PDE4B: variants seen among roughly 807,000 people sequenced by gnomAD.
PDE4B encodes 3',5'-cyclic-AMP phosphodiesterase 4B.
In PDE4B, 20 loss-of-function variants were observed where a neutral mutation model predicts 82.2. That is an observed-to-expected ratio of 0.24 (90% CI 0.17 to 0.35). The LOEUF (loss-of-function observed/expected upper bound fraction) is 0.35, where lower values mean the gene tolerates loss of function less well. PDE4B is among the 10% of genes least tolerant of loss of function. PDE4B has a pLI of 1.00. For missense variants in PDE4B, 655 were observed against 907.2 expected (o/e 0.72, Z 3.57); for synonymous variants, 320 against 318.9 (o/e 1.00, Z -0.04).
At chr1:65,890,957 A>AT (rs1646846326) in intron 1 of PDE4B, among the ~76,000 whole-genome samples, 1 of 152,014 alleles carries the variant, frequency 6.6e-6, no homozygotes, top group Admixed American at 6.6e-5. Context: ...AACCTTTGTG[A>AT]TTCGCTCTGT....
At position 66,296,073 on chromosome 1, in the gene PDE4B, C is replaced by G. The variant is rs191991900; in HGVS notation, c.634+29986C>G. Reference sequence around the variant, plus strand: ...GGTTTAGACCCAATTCAGAGGTCAACGTCTCTTATTAGGGCTGTTTGTTTT... The same window carrying G: ...GGTTTAGACCCAATTCAGAGGTCAAGGTCTCTTATTAGGGCTGTTTGTTTT... On this transcript the variant is annotated intron_variant, in intron 7 of 16. Coordinates refer to ENST00000341517, the MANE Select transcript of PDE4B (RefSeq NM_002600.4). Among the ~76,000 whole-genome samples the G allele has an allele frequency of 2.0e-5, 3 of 152,232 alleles. No individual in the cohort carries two copies. In the East Asian group the frequency reaches 5.8e-4, roughly 29 times the overall value.
intron 1 of PDE4B, among the ~76,000 whole-genome samples, chr1:65,840,809 C>T (rs972822296): frequency 2.0e-5 from 3 of 152,078 alleles, no homozygotes; most frequent in Admixed American, 2.0e-4. Context: ...GAGCTGAACT[C>T]GTAAAAGGCA....
chr1:66,085,437 G>A (rs545705512), intron 3 of PDE4B, among the ~76,000 whole-genome samples: 1 of 152,214 alleles, frequency 6.6e-6, no homozygotes, highest in Admixed American at 6.5e-5. Flanking sequence ...GTTAAAAATG[G>A]AATTTTTATG....
At chr1:66,156,421 A>C (rs1646503070) in intron 3 of PDE4B, among the ~76,000 whole-genome samples, 1 of 152,210 alleles carries the variant, frequency 6.6e-6, no homozygotes, top group African/African-American at 2.4e-5. Context: ...GTGAATGCTC[A>C]TTTAGATCAA....
intron 3 of PDE4B, among the ~76,000 whole-genome samples, chr1:66,021,322 T>G (rs1653094248): frequency 6.6e-6 from 1 of 152,220 alleles, no homozygotes; most frequent in Admixed American, 6.5e-5. Flanking sequence ...TTAGTTTAAT[T>G]AGATCCCGTT....
intron 3 of PDE4B, among the ~76,000 whole-genome samples, chr1:65,967,935 T>C (rs1280386714): frequency 6.6e-6 from 1 of 152,034 alleles, no homozygotes; most frequent in Non-Finnish European, 1.5e-5. Flanking sequence ...GGTTGATGGG[T>C]GCAACAAACC....
chr1:65,886,740 A>G (rs1008633743), intron 1 of PDE4B, among the ~76,000 whole-genome samples: 7 of 152,144 alleles, frequency 4.6e-5, no homozygotes, highest in Admixed American at 2.0e-4. Context: ...GTAGTATTCT[A>G]TCATGTACGT....
chr1:66,321,667 A>G (rs1570689289), intron 7 of PDE4B, among the ~76,000 whole-genome samples: 1 of 152,190 alleles, frequency 6.6e-6, no homozygotes, highest in African/African-American at 2.4e-5. Context: ...TCAAAGAAAT[A>G]AAAGAGGACA....
intron 3 of PDE4B, among the ~76,000 whole-genome samples, chr1:65,924,169 G>T: frequency 8.1e-6 from 1 of 122,956 alleles, no homozygotes; most frequent in Middle Eastern, 4.2e-3. Flanking sequence ...CCGCCTCCCG[G>T]GTTCACGCCA....
intron 3 of PDE4B, among the ~76,000 whole-genome samples, chr1:66,184,099 G>A (rs1409099362): frequency 6.6e-6 from 1 of 152,120 alleles, no homozygotes; most frequent in East Asian, 1.9e-4. Flanking sequence ...GTGAAAGGTA[G>A]GTCAGGCTAT....
At chr1:65,920,433 C>T (rs17417507) in intron 3 of PDE4B, among the ~76,000 whole-genome samples, 7,358 of 152,178 alleles carry the variant, frequency 0.048, 263 homozygotes, top group Admixed American at 0.11. Flanking sequence ...ATGTACAGTG[C>T]CTTGTAAAGT....
intron 3 of PDE4B, among the ~76,000 whole-genome samples, chr1:65,936,335 G>A (rs958696610): frequency 3.3e-5 from 5 of 152,150 alleles, no homozygotes; most frequent in African/African-American, 9.6e-5. Context: ...AGCACAGTAG[G>A]TTTGTTTACA....
chr1:65,985,504 G>A (rs1392031536), intron 3 of PDE4B, among the ~76,000 whole-genome samples: 1 of 152,062 alleles, frequency 6.6e-6, no homozygotes, highest in African/African-American at 2.4e-5. Flanking sequence ...TAGAGAAAGA[G>A]GTTTTCCCAA....
intron 3 of PDE4B, among the ~76,000 whole-genome samples, chr1:66,205,026 A>T (rs889830769): frequency 3.3e-5 from 5 of 152,194 alleles, no homozygotes; most frequent in Admixed American, 1.3e-4. Flanking sequence ...TTGGTAGTTC[A>T]GCCTTTTCCA....
intron 3 of PDE4B, among the ~76,000 whole-genome samples, chr1:66,186,925 A>G (rs1311778864): frequency 6.6e-6 from 1 of 152,204 alleles, no homozygotes. Context: ...TTTCAAAGGG[A>G]ATCCTTCCAG....
At chr1:66,301,318 A>G (rs1657880495) in intron 7 of PDE4B, among the ~76,000 whole-genome samples, 1 of 152,142 alleles carries the variant, frequency 6.6e-6, no homozygotes, top group African/African-American at 2.4e-5. Flanking sequence ...TCAGCCCTGT[A>G]AGAGGTTTGG....
intron 3 of PDE4B, among the ~76,000 whole-genome samples, chr1:66,053,051 AT>A (rs1655123843): frequency 6.6e-6 from 1 of 152,176 alleles, no homozygotes; most frequent in African/African-American, 2.4e-5. Context: ...GAGACAGTGT[AT>A]TTACTGCTAA....
rs543958675 is a variant in PDE4B, at chr1:66,347,195, A to T, written c.748-8332A>T. ...AACCTTCCGTGAACCTAACAAACCT[A>T]TGCATCTTGAGGTGCATTGTTGTTC... On this transcript the variant is annotated intron_variant, in intron 8 of 16. Transcript: ENST00000341517. Among the ~76,000 whole-genome samples, 152 of 152,250 alleles carry T rather than the reference A, an allele frequency of 1.0e-3. 2 individuals carry two copies. The highest frequency in any genetic ancestry group is 3.6e-3 in the African/African-American group (150 of 41,548).
intron 3 of PDE4B, among the ~76,000 whole-genome samples, chr1:66,173,478 A>G (rs1646876256): frequency 6.6e-6 from 1 of 152,248 alleles, no homozygotes; most frequent in Non-Finnish European, 1.5e-5. Flanking sequence ...AACTCAAGCA[A>G]GTGCTGCTAA....
Sources: allele counts gnomAD v4.1 joint callset (sites outside exome capture counted in the v4.1 genomes callset), GRCh38; gene constraint gnomAD v4.1.1; transcripts MANE v1.5; gene names NCBI Gene and HGNC (gene_info 2026-07-23, HGNC 2026-07-21).